The following VPS13B variants were observed in gnomAD, a reference collection of about 807,000 sequenced individuals.
The protein encoded by VPS13B is intermembrane lipid transfer protein VPS13B.
Under a neutral mutation model 426.4 loss-of-function variants are expected in VPS13B, and 285 were observed. The observed-to-expected ratio is 0.67, with a 90% CI of 0.61 to 0.74. The LOEUF (loss-of-function observed/expected upper bound fraction) is 0.74, where lower values mean the gene tolerates loss of function less well. Among genes scored for constraint, VPS13B ranks in the 30% least tolerant of loss-of-function variants. The pLI, the probability that VPS13B is intolerant of heterozygous loss-of-function variation, is 0.00. For missense variants in VPS13B, 4,537 were observed against 4,782.6 expected, an observed-to-expected ratio of 0.95 and a Z score of 1.51; for synonymous variants, 1,676 against 1,676.4, an observed-to-expected ratio of 1.00 and a Z score of 0.01.
rs1200204294 is a variant in VPS13B, at chr8:99,739,309, TA to T, written c.7050+18265del. On this transcript the variant is annotated intron_variant, in intron 39 of 61. Coordinates refer to ENST00000357162, the MANE Select transcript of VPS13B (RefSeq NM_152564.5). Reference sequence around the variant, plus strand: ...CCGCCATTGCTGAGGCTTGAGTAGGTAAACAAAGTGGCCTGGAAGCTCGAAC... The same window carrying T: ...CCGCCATTGCTGAGGCTTGAGTAGGTAACAAAGTGGCCTGGAAGCTCGAAC... Among the ~76,000 whole-genome samples the T allele has an allele frequency of 4.6e-5, 7 of 152,168 alleles. No homozygotes were observed. In the East Asian group the frequency reaches 1.4e-3, roughly 29 times the overall value.
intron 31 of VPS13B, among the ~76,000 whole-genome samples, chr8:99,559,662 A>G (rs1393158807): frequency 2.0e-5 from 3 of 152,070 alleles, no homozygotes; most frequent in Non-Finnish European, 4.4e-5. Context: ...ATTATATAGG[A>G]AATCCTTTCC....
At chr8:99,797,685 A>G (rs1294991573) in intron 43 of VPS13B, among the ~76,000 whole-genome samples, 1 of 152,134 alleles carries the variant, frequency 6.6e-6, no homozygotes, top group Non-Finnish European at 1.5e-5. Context: ...ATCATAAAAT[A>G]GGAACATGCT....
chr8:99,449,899 G>T (rs546890723), intron 23 of VPS13B, among the ~76,000 whole-genome samples: 3 of 152,136 alleles, frequency 2.0e-5, no homozygotes, highest in Admixed American at 6.5e-5. Context: ...CTGCCTCTTG[G>T]GTTCAAGCAA....
intron 30 of VPS13B, among the ~76,000 whole-genome samples, chr8:99,524,748 A>G (rs1335365870): frequency 6.6e-6 from 1 of 152,164 alleles, no homozygotes; most frequent in Non-Finnish European, 1.5e-5. Flanking sequence ...AGCTGTGGTT[A>G]TACCCCCACG....
intron 36 of VPS13B, among the ~76,000 whole-genome samples, chr8:99,713,674 C>T (rs1203784029): frequency 2.0e-5 from 3 of 152,244 alleles, no homozygotes; most frequent in African/African-American, 7.2e-5. Flanking sequence ...AACAGTGACA[C>T]CCCAGTAGCA....
chr8:99,391,479 T>C (rs1814445558), intron 20 of VPS13B, 78 bp from the exon 21 acceptor site: 1 of 1,607,762 alleles, frequency 6.2e-7, no homozygotes, highest in African/African-American at 1.3e-5. Flanking sequence ...TCCTCAGTAT[T>C]GCCATGTTTA....
intron 17 of VPS13B, among the ~76,000 whole-genome samples, chr8:99,269,206 G>A (rs927634895): frequency 2.0e-5 from 3 of 151,954 alleles, no homozygotes; most frequent in Non-Finnish European, 2.9e-5. Flanking sequence ...AAATAACAGT[G>A]CATTATTCTA....
intron 19 of VPS13B, among the ~76,000 whole-genome samples, chr8:99,315,957 G>A (rs1285084922): frequency 2.6e-5 from 4 of 152,116 alleles, no homozygotes; most frequent in Non-Finnish European, 5.9e-5. Context: ...GAATTTGTTT[G>A]CATAGGGGAA....
chr8:99,429,818 A>G (rs1381602410), intron 21 of VPS13B, among the ~76,000 whole-genome samples: 2 of 152,196 alleles, frequency 1.3e-5, no homozygotes, highest in African/African-American at 2.4e-5. Context: ...ATATTCAACA[A>G]TGTCATGACT....
At chr8:99,858,629 G>A (rs961105076) in intron 56 of VPS13B, among the ~76,000 whole-genome samples, 11 of 151,970 alleles carry the variant, frequency 7.2e-5, no homozygotes, top group African/African-American at 2.7e-4. Context: ...AGGTTGCAGT[G>A]AGCCGAGATT....
At chr8:99,651,077 G>A (rs1829795767) in intron 34 of VPS13B, among the ~76,000 whole-genome samples, 1 of 152,020 alleles carries the variant, frequency 6.6e-6, no homozygotes, top group African/African-American at 2.4e-5. Flanking sequence ...TGTGGAATAT[G>A]GTATCCACAG....
At chr8:99,050,350 C>T (rs4734422) in intron 3 of VPS13B, among the ~76,000 whole-genome samples, 12,640 of 152,136 alleles carry the variant, frequency 0.083, 888 homozygotes, top group African/African-American at 0.19. Flanking sequence ...CATGTCCCTA[C>T]AAAGGACATG....
intron 43 of VPS13B, among the ~76,000 whole-genome samples, chr8:99,785,557 T>G (rs1267941152): frequency 1.3e-5 from 2 of 152,178 alleles, no homozygotes; most frequent in Non-Finnish European, 2.9e-5. Context: ...GATATGGTAT[T>G]GCATTCATAT....
intron 33 of VPS13B, among the ~76,000 whole-genome samples, chr8:99,612,730 T>G (rs1047384529): frequency 6.6e-6 from 1 of 152,194 alleles, no homozygotes; most frequent in Non-Finnish European, 1.5e-5. Context: ...TCAGCATTAC[T>G]AAAGGTCTAC....
chr8:99,786,958 C>A (rs559113588), intron 43 of VPS13B, among the ~76,000 whole-genome samples: 1 of 152,274 alleles, frequency 6.6e-6, no homozygotes, highest in African/African-American at 2.4e-5. Context: ...CACTCAGTTT[C>A]AAACTGCACC....
intron 35 of VPS13B, 130 bp from the exon 36 acceptor site, chr8:99,699,395 T>C (rs1289156478): frequency 3.1e-6 from 3 of 952,818 alleles, no homozygotes; most frequent in East Asian, 2.6e-5. Context: ...AGATATATCA[T>C]GTTCAGGCAT....
chr8:99,666,420 G>A (rs545173885), intron 35 of VPS13B, among the ~76,000 whole-genome samples: 5 of 152,202 alleles, frequency 3.3e-5, no homozygotes, highest in African/African-American at 4.8e-5. Context: ...TAAAATACTG[G>A]CAAACCGAAT....
chr8:99,015,606 T>G (rs1158976877), intron 2 of VPS13B, among the ~76,000 whole-genome samples: 1 of 151,914 alleles, frequency 6.6e-6, no homozygotes, highest in African/African-American at 2.4e-5. Context: ...GCTCACCTGT[T>G]TTTGTAAGTA....
At chr8:99,375,090 T>A (rs995817429) in intron 19 of VPS13B, among the ~76,000 whole-genome samples, 1 of 152,224 alleles carries the variant, frequency 6.6e-6, no homozygotes, top group African/African-American at 2.4e-5. Flanking sequence ...GTCATTCTCA[T>A]GAACAATTGA....
Sources: allele counts gnomAD v4.1 joint callset (sites outside exome capture counted in the v4.1 genomes callset), GRCh38; gene constraint gnomAD v4.1.1; transcripts MANE v1.5; gene names NCBI Gene and HGNC (gene_info 2026-07-23, HGNC 2026-07-21).